Variants in HSDL2 observed in about 807,000 individuals in gnomAD.
HSDL2 encodes hydroxysteroid dehydrogenase-like protein 2.
In HSDL2, 27 loss-of-function variants were observed where a neutral mutation model predicts 46.3. The ratio of observed to expected loss-of-function variants is 0.58; its 90% CI spans 0.43 to 0.80. The LOEUF (loss-of-function observed/expected upper bound fraction) is 0.80, where lower values mean the gene tolerates loss of function less well. Among genes scored for constraint, HSDL2 ranks in the 30% least tolerant of loss-of-function variants. HSDL2 has a pLI of 0.00. For synonymous variants in HSDL2, 153 were observed against 163.6 expected (o/e 0.94, Z 0.50); for missense variants, 451 against 502.7 (o/e 0.90, Z 0.98).
intron 10 of HSDL2, among the ~76,000 whole-genome samples, chr9:112,465,691 A>C (rs1833354954): frequency 1.3e-5 from 2 of 152,152 alleles, no homozygotes; most frequent in South Asian, 4.1e-4. Flanking sequence ...TATTTAGCAT[A>C]ATGTTTTTGA....
At chr9:112,418,210 T>C (rs1832037868) in intron 5 of HSDL2, among the ~76,000 whole-genome samples, 1 of 152,234 alleles carries the variant, frequency 6.6e-6, no homozygotes, top group Admixed American at 6.5e-5. Context: ...TCATCTCTGT[T>C]CACTTCTATA....
intron 6 of HSDL2, among the ~76,000 whole-genome samples, chr9:112,428,798 A>G (rs1269387073): frequency 1.3e-5 from 2 of 152,202 alleles, no homozygotes; most frequent in Non-Finnish European, 2.9e-5. Context: ...GTTGTCATTA[A>G]AGTTGATACA....
intron 3 of HSDL2, 62 bp downstream of exon 3, chr9:112,405,784 T>C: frequency 9.5e-7 from 1 of 1,050,244 alleles, no homozygotes; most frequent in Non-Finnish European, 1.4e-6. Context: ...AACTATAATG[T>C]TAATTTAAAA....
At chr9:112,394,485 A>G (rs969190645) in intron 1 of HSDL2, among the ~76,000 whole-genome samples, 4 of 152,190 alleles carry the variant, frequency 2.6e-5, no homozygotes, top group Non-Finnish European at 2.9e-5. Context: ...TGCCCAGTCT[A>G]TTACTAAACC....
At chr9:112,461,218 C>A (rs755595269) in intron 10 of HSDL2, among the ~76,000 whole-genome samples, 1 of 151,976 alleles carries the variant, frequency 6.6e-6, no homozygotes, top group Non-Finnish European at 1.5e-5. Flanking sequence ...GCTGGGATTA[C>A]AGGTGCCCGC....
chr9:112,409,719 A>AG (rs1295911022), intron 4 of HSDL2, among the ~76,000 whole-genome samples: 2 of 152,026 alleles, frequency 1.3e-5, no homozygotes, highest in African/African-American at 2.4e-5. Flanking sequence ...TGTGCTACTG[A>AG]GACTGTGGTG....
At chr9:112,459,012 ACAAAAACAAAAAC>A (rs1833123684) in intron 9 of HSDL2, among the ~76,000 whole-genome samples, 1 of 150,240 alleles carries the variant, frequency 6.7e-6, no homozygotes, top group African/African-American at 2.4e-5. Context: ...AAAACAAAAA[ACAAAAACAAAAAC>A]AAAAACAAAA....
Position 112,438,440 on chromosome 9 carries a change from C to A in HSDL2, c.608C>A (p.Thr203Asn). The A allele has an allele frequency of 6.3e-7, 1 of 1,596,274 alleles. No homozygotes were observed. Among genetic ancestry groups the A allele is most frequent in the South Asian group, 1.1e-5 (1 of 87,426 alleles). The change falls in exon 7 of 11, where the codon ACT becomes AAT. Residue 203 changes from threonine to asparagine, a missense_variant. Thr to Asn is a moderately conservative substitution (Grantham distance 65). Coordinates refer to ENST00000398805, the MANE Select transcript of HSDL2 (RefSeq NM_032303.5). ...NALWPKTAIHTAAMDMLGGPG... is the reference protein window; with the variant it reads ...NALWPKTAIHNAAMDMLGGPG... ...TGTGTTTTCTCTACAGCCATACACA[C>A]TGCTGCTATGGATATGCTGGGAGGA...
chr9:112,450,716 T>C (rs1472669252), intron 8 of HSDL2, among the ~76,000 whole-genome samples: 1 of 152,060 alleles, frequency 6.6e-6, no homozygotes, highest in Non-Finnish European at 1.5e-5. Context: ...TTTTGGCTTA[T>C]TTCCTTTCAA....
intron 4 of HSDL2, among the ~76,000 whole-genome samples, chr9:112,412,992 C>T (rs1310781329): frequency 6.6e-6 from 1 of 151,752 alleles, no homozygotes; most frequent in Non-Finnish European, 1.5e-5. Context: ...ATTCTATTCA[C>T]TATTGAAAGT....
chr9:112,441,890 G>A (rs1002226746), intron 8 of HSDL2, 120 bp downstream of exon 8: 1 of 641,558 alleles, frequency 1.6e-6, no homozygotes, highest in Non-Finnish European at 2.7e-6. Flanking sequence ...AAACTGTTTT[G>A]TACTTTAAAC....
chr9:112,391,634 G>A (rs865949193), intron 1 of HSDL2, among the ~76,000 whole-genome samples: 1 of 152,176 alleles, frequency 6.6e-6, no homozygotes, highest in East Asian at 1.9e-4. Flanking sequence ...AGCCAGGCTT[G>A]GTGGCTCATG....
intron 4 of HSDL2, among the ~76,000 whole-genome samples, chr9:112,413,770 T>G (rs898626679): frequency 6.6e-6 from 1 of 152,168 alleles, no homozygotes; most frequent in African/African-American, 2.4e-5. Flanking sequence ...AAATTTAATT[T>G]ACTCAGCAAG....
intron 10 of HSDL2, among the ~76,000 whole-genome samples, chr9:112,460,322 T>G (rs1833164960): frequency 6.6e-6 from 1 of 152,256 alleles, no homozygotes; most frequent in South Asian, 2.1e-4. Context: ...CTCTAAGTCT[T>G]TCTTTACAGT....
intron 4 of HSDL2, among the ~76,000 whole-genome samples, chr9:112,411,708 A>G: frequency 6.6e-6 from 1 of 152,130 alleles, no homozygotes; most frequent in Non-Finnish European, 1.5e-5. Context: ...AAGCATATAG[A>G]TTGTGATGAA....
chr9:112,437,681 A>G (rs1832557578), intron 6 of HSDL2, among the ~76,000 whole-genome samples: 1 of 152,114 alleles, frequency 6.6e-6, no homozygotes, highest in Non-Finnish European at 1.5e-5. Flanking sequence ...TACGCACTCC[A>G]TATGTTTATG....
chr9:112,418,604 A>C (rs925899716), intron 5 of HSDL2, among the ~76,000 whole-genome samples: 1 of 151,352 alleles, frequency 6.6e-6, no homozygotes, highest in Non-Finnish European at 1.5e-5. Flanking sequence ...GTATATATGT[A>C]TGTGTGTGTA....
intron 8 of HSDL2, among the ~76,000 whole-genome samples, chr9:112,447,608 C>A (rs1161115395): frequency 6.6e-6 from 1 of 152,200 alleles, no homozygotes; most frequent in Non-Finnish European, 1.5e-5. Flanking sequence ...TGTGTCATTG[C>A]TGCCCTTGCT....
intron 2 of HSDL2, among the ~76,000 whole-genome samples, chr9:112,404,615 G>T (rs1831683254): frequency 6.6e-6 from 1 of 152,084 alleles, no homozygotes; most frequent in East Asian, 1.9e-4. Context: ...AGAGAGGAGA[G>T]AATTTGATTG....
Sources: gnomAD v4.1 joint callset for allele counts (sites outside exome capture counted in the v4.1 genomes callset) on GRCh38, gnomAD v4.1.1 for gene constraint, MANE v1.5 for transcripts, NCBI Gene and HGNC (gene_info 2026-07-23, HGNC 2026-07-21) for gene names.